SESN1: variants seen among roughly 807,000 people sequenced by gnomAD.
The protein encoded by SESN1 is sestrin-1.
A neutral mutation model predicts 59.3 loss-of-function variants in SESN1; 30 were observed. The observed-to-expected ratio is 0.51, with a 90% CI of 0.38 to 0.69. The LOEUF (loss-of-function observed/expected upper bound fraction) is 0.69, where lower values mean the gene tolerates loss of function less well. SESN1 is among the 30% of genes least tolerant of loss of function. The probability of loss-of-function intolerance (pLI) is 0.00; values close to 1 mark genes in which losing one functional copy is unlikely to be tolerated. For missense variants in SESN1, 566 were observed against 673.0 expected (o/e 0.84, Z 1.76); for synonymous variants, 197 against 219.9 (o/e 0.90, Z 0.92).
At position 108,984,719 on chromosome 6, in the gene SESN1, G is replaced by A. The variant is rs1047049362; in HGVS notation, c.*2825C>T. ...TTTTTTTGGATCATTCATTGTTAGT[G>A]TATAGAAATACAACTGATTTTTGTG... On this transcript the variant is annotated 3_prime_UTR_variant, in exon 10 of 10. Coordinates refer to ENST00000436639, the MANE Select transcript of SESN1 (RefSeq NM_014454.3). Among the ~76,000 whole-genome samples the A allele has an allele frequency of 8.5e-5, 13 of 152,150 alleles. No individual in the cohort carries two copies. The highest frequency in any genetic ancestry group is 1.8e-4 in the Non-Finnish European group (12 of 68,026).
intron 4 of SESN1, 93 bp downstream of exon 4, chr6:109,000,398 C>T: frequency 2.1e-6 from 2 of 941,120 alleles, no homozygotes; most frequent in East Asian, 2.8e-5. Context: ...AAAATAGGAA[C>T]TCTCTGTACT....
At chr6:109,064,845 A>T (rs1398405745) in intron 1 of SESN1, among the ~76,000 whole-genome samples, 3 of 152,100 alleles carry the variant, frequency 2.0e-5, no homozygotes, top group African/African-American at 7.2e-5. Context: ...CAATTTAGCA[A>T]TCTCTACATA....
intron 1 of SESN1, among the ~76,000 whole-genome samples, chr6:109,091,106 C>T (rs1349897584): frequency 6.6e-6 from 1 of 152,132 alleles, no homozygotes; most frequent in Non-Finnish European, 1.5e-5. Flanking sequence ...AATAATCTTC[C>T]TATAAGTGGA....
chr6:109,075,144 A>G (rs984848807), intron 1 of SESN1, among the ~76,000 whole-genome samples: 2 of 152,068 alleles, frequency 1.3e-5, no homozygotes, highest in Non-Finnish European at 2.9e-5. Flanking sequence ...GCTGAAGCAC[A>G]CTCTATTCTG....
chr6:109,006,205 A>G lies in SESN1; in HGVS notation c.280-3862T>C, dbSNP rs115829942. 3.9e-3 allele frequency among the ~76,000 whole-genome samples: 591 copies of G among 152,332 alleles called. 2 individuals are homozygous for G. The highest frequency in any genetic ancestry group is 0.014 in the African/African-American group (565 of 41,582). ...TGGTGTTCTACAATATTCATGAAAA[A>G]GTCAAGAGTCTTAGATTAATCCTTA... is the stretch of plus-strand genomic sequence containing the variant. On this transcript the variant is annotated intron_variant, in intron 1 of 9. Transcript: ENST00000436639.
intron 1 of SESN1, among the ~76,000 whole-genome samples, chr6:109,012,634 A>G (rs1779877749): frequency 6.6e-6 from 1 of 152,172 alleles, no homozygotes; most frequent in Non-Finnish European, 1.5e-5. Flanking sequence ...GAGTATTAGT[A>G]GAGAGGCCTT....
chr6:109,048,348 T>C (rs928251866), intron 1 of SESN1, among the ~76,000 whole-genome samples: 2 of 152,070 alleles, frequency 1.3e-5, no homozygotes, highest in African/African-American at 4.8e-5. Context: ...CCTTGTTTAC[T>C]TGTCTTGAGA....
intron 1 of SESN1, among the ~76,000 whole-genome samples, chr6:109,056,268 A>G (rs919012928): frequency 6.6e-6 from 1 of 152,126 alleles, no homozygotes; most frequent in African/African-American, 2.4e-5. Flanking sequence ...TTAGCGAGGC[A>G]TGGTAGCGTA....
chr6:108,992,025 CATG>C (rs769878359), intron 7 of SESN1, among the ~76,000 whole-genome samples: 1 of 152,200 alleles, frequency 6.6e-6, no homozygotes, highest in African/African-American at 2.4e-5. Flanking sequence ...TTCCAGCCCA[CATG>C]ATGTCTTCAA....
At chr6:109,058,548 C>T (rs1244597719) in intron 1 of SESN1, among the ~76,000 whole-genome samples, 1 of 152,126 alleles carries the variant, frequency 6.6e-6, no homozygotes, top group Non-Finnish European at 1.5e-5. Context: ...TGTACAGATC[C>T]CACATTGTCC....
chr6:109,006,630 C>CT (rs1166146589), intron 1 of SESN1, among the ~76,000 whole-genome samples: 2 of 152,138 alleles, frequency 1.3e-5, no homozygotes, highest in Non-Finnish European at 2.9e-5. Context: ...TTTTGAGCCT[C>CT]TTTAAGACTT....
intron 1 of SESN1, among the ~76,000 whole-genome samples, chr6:109,078,480 A>C (rs1229321564): frequency 6.6e-6 from 1 of 152,226 alleles, no homozygotes; most frequent in East Asian, 1.9e-4. Flanking sequence ...AGACATATAG[A>C]TAATACATTT....
intron 7 of SESN1, among the ~76,000 whole-genome samples, chr6:108,991,154 C>T (rs1779374059): frequency 6.6e-6 from 1 of 152,186 alleles, no homozygotes; most frequent in African/African-American, 2.4e-5. Flanking sequence ...CACTCAGCCC[C>T]CCAGATGTGA....
intron 1 of SESN1, among the ~76,000 whole-genome samples, chr6:109,086,792 G>GT (rs915276250): frequency 1.3e-5 from 2 of 152,158 alleles, no homozygotes; most frequent in Non-Finnish European, 2.9e-5. Context: ...AAATGAATCA[G>GT]TTTTTTTCAT....
At chr6:109,061,201 C>G (rs1440730231) in intron 1 of SESN1, among the ~76,000 whole-genome samples, 1 of 151,888 alleles carries the variant, frequency 6.6e-6, no homozygotes, top group Non-Finnish European at 1.5e-5. Flanking sequence ...GAAAAAAGAA[C>G]AATGTACTAA....
intron 1 of SESN1, among the ~76,000 whole-genome samples, chr6:109,043,927 C>G (rs1780380203): frequency 6.6e-6 from 1 of 152,112 alleles, no homozygotes; most frequent in Non-Finnish European, 1.5e-5. Context: ...ATAATTAATA[C>G]AGCATGATAT....
chr6:109,008,948 A>C (rs999388525), intron 1 of SESN1: 15 of 993,466 alleles, frequency 1.5e-5, no homozygotes, highest in Non-Finnish European at 1.8e-5. Context: ...CTGTTTTCAC[A>C]AGACAAGACA....
In SESN1 at chr6:109,085,347, G is replaced by A. The variant is rs145453287; in HGVS notation, c.279+8448C>T. Reference sequence around the variant, plus strand: ...ATCCTGGCTATCATGGTGAAATCCCGTCTCTACTAAAAATACAAAAAATTA... The same window carrying A: ...ATCCTGGCTATCATGGTGAAATCCCATCTCTACTAAAAATACAAAAAATTA... On this transcript the variant is annotated intron_variant, in intron 1 of 9. Coordinates refer to ENST00000436639, the MANE Select transcript of SESN1 (RefSeq NM_014454.3). 8.1e-3 allele frequency among the ~76,000 whole-genome samples: 1,237 copies of A among 152,140 alleles called. 11 individuals are homozygous for A. The highest frequency in any genetic ancestry group is 0.019 in the African/African-American group (790 of 41,522).
rs368978654 is a variant in SESN1 at position 109,083,147 on chromosome 6, CA to C, written c.279+10647del. On this transcript the variant is annotated intron_variant, in intron 1 of 9. Coordinates refer to ENST00000436639, the MANE Select transcript of SESN1 (RefSeq NM_014454.3). Reference sequence around the variant, plus strand: ...TCTCTTAATTTTTAGAACCATACCACAAGGGAGATAATAAAATGTCAATTAC... The same window carrying C: ...TCTCTTAATTTTTAGAACCATACCACAGGGAGATAATAAAATGTCAATTAC... Among the ~76,000 whole-genome samples, 17 of 152,172 alleles carry C rather than the reference CA, an allele frequency of 1.1e-4. No individual in the cohort carries two copies. In the East Asian group the frequency reaches 2.5e-3, roughly 22 times the overall value.
Sources: allele counts gnomAD v4.1 joint callset (sites outside exome capture counted in the v4.1 genomes callset), GRCh38; gene constraint gnomAD v4.1.1; transcripts MANE v1.5; gene names NCBI Gene and HGNC (gene_info 2026-07-23, HGNC 2026-07-21).